Variants in IRF8 observed in about 807,000 individuals in gnomAD.
The protein encoded by IRF8 is interferon consensus sequence binding protein 1.
In IRF8, 14 loss-of-function variants were observed where a neutral mutation model predicts 48.7. The ratio of observed to expected loss-of-function variants is 0.29; its 90% CI spans 0.19 to 0.45. IRF8 has a LOEUF of 0.45. Ranked by LOEUF, IRF8 falls within the 20% of genes least tolerant of loss-of-function variation. IRF8 has a pLI of 1.00. For missense variants in IRF8, 493 were observed against 580.7 expected, an observed-to-expected ratio of 0.85 and a Z score of 1.55; for synonymous variants, 278 against 227.3, an observed-to-expected ratio of 1.22 and a Z score of -2.01.
At chr16:85,899,948 A>T (rs1904776130) in intron 1 of IRF8, among the ~76,000 whole-genome samples, 1 of 152,242 alleles carries the variant, frequency 6.6e-6, no homozygotes, top group African/African-American at 2.4e-5. Flanking sequence ...ATTTTCCAGA[A>T]TTTTAAGAAG....
chr16:85,921,123 C>T lies in IRF8; in HGVS notation c.1122C>T (p.Val374=), dbSNP rs544583597. 1.5e-4 allele frequency: 244 copies of T among 1,613,730 alleles called. 1 individual carries two copies. In the South Asian group the frequency reaches 2.6e-3, roughly 17 times the overall value. ...LILVQIEQLY[V]RQLAEEAGKS... ...CCATCTAGATTGAGCAGCTGTATGT[C>T]CGGCAACTGGCAGAAGAGGCTGGGA... The change falls in exon 9 of 9, where the codon GTC becomes GTT. Residue 374 remains valine, a synonymous_variant. Transcript: ENST00000268638.
chr16:85,902,887 T>A, intron 1 of IRF8, 128 bp from the exon 2 acceptor site: 1 of 970,866 alleles, frequency 1.0e-6, no homozygotes, highest in Admixed American at 1.7e-5. Flanking sequence ...AGTCCCTGAA[T>A]CTGTGGGTTT....
At chr16:85,909,260 A>G (rs1034629156) in intron 3 of IRF8, 87 bp downstream of exon 3, 17 of 1,039,684 alleles carry the variant, frequency 1.6e-5, no homozygotes, top group African/African-American at 3.1e-5. Flanking sequence ...GGGTAGACAC[A>G]GGGTCTGGGG....
At position 85,921,351 on chromosome 16, in the gene IRF8, A is replaced by G. The variant is rs943029450; in HGVS notation, c.*69A>G. ...TCTCCCTGTTACAGTGGCCCGCATC[A>G]TGATTAAAGAATGTGGATCCCTCTG... On this transcript the variant is annotated 3_prime_UTR_variant, in exon 9 of 9. Coordinates refer to ENST00000268638, the MANE Select transcript of IRF8 (RefSeq NM_002163.4). The G allele has an allele frequency of 2.0e-6, 3 of 1,504,270 alleles. No homozygotes were observed. Among genetic ancestry groups the G allele is most frequent in the African/African-American group, 2.7e-5 (2 of 72,754 alleles). 93.2% of individuals were successfully genotyped at this position (1,504,270 alleles called of 1,614,324 possible).
intron 6 of IRF8, among the ~76,000 whole-genome samples, chr16:85,915,062 G>T (rs1029025550): frequency 6.6e-6 from 1 of 152,206 alleles, no homozygotes; most frequent in African/African-American, 2.4e-5. Context: ...CTCATCTCAG[G>T]CTCCCCTGCC....
At chr16:85,902,249 G>A (rs1304690674) in intron 1 of IRF8, among the ~76,000 whole-genome samples, 1 of 152,094 alleles carries the variant, frequency 6.6e-6, no homozygotes, top group Admixed American at 6.5e-5. Flanking sequence ...AAGGAAGTTT[G>A]GATAATAATA....
rs371942842 is a variant in IRF8 at position 85,909,147 on chromosome 16, G to T, written c.332G>T (p.Arg111Leu). 5 of 1,614,082 alleles carry T rather than the reference G, an allele frequency of 3.1e-6. No homozygotes were observed. The highest frequency in any genetic ancestry group is 2.5e-6 in the Non-Finnish European group (3 of 1,180,044). Residue 111 changes from arginine to leucine, a missense_variant, in exon 3 of 9, where the codon CGA becomes CTA. By Grantham distance (102) the Arg-to-Leu change is moderately radical. Transcript: ENST00000268638. ...ATTTCCGAGCCATACAAAGTTTACC[G>T]AATTGTTCCTGAGGAAGAGCAAAAA... ...LDISEPYKVY[R>L]IVPEEEQKCK...
Position 85,918,617 on chromosome 16 carries a change from C to T in IRF8, c.802C>T (p.Arg268Trp), listed in dbSNP as rs754529909. Reference sequence around the variant, plus strand: ...CAGCGAGCGACAGAGGCAGGTGACGCGGAAGCTGTTCGGGCACCTGGAGCG... The same window carrying T: ...CAGCGAGCGACAGAGGCAGGTGACGTGGAAGCTGTTCGGGCACCTGGAGCG... ...IPSERQRQVTRKLFGHLERGV... is the reference protein window; with the variant it reads ...IPSERQRQVTWKLFGHLERGV... Residue 268 changes from arginine (R) to tryptophan (W), a missense_variant, in exon 7 of 9, where the codon CGG becomes TGG. Arg to Trp is a moderately radical substitution (Grantham distance 101). Around this residue, in one of 3 missense-constraint regions of IRF8, gnomAD observed 408 missense variants for 449.6 expected, o/e 0.91. Coordinates refer to ENST00000268638, the MANE Select transcript of IRF8 (RefSeq NM_002163.4). 3.5e-5 allele frequency: 57 copies of T among 1,607,688 alleles called. No individual in the cohort carries two copies. Among genetic ancestry groups the T allele is most frequent in the Non-Finnish European group, 4.1e-5 (48 of 1,179,510 alleles).
chr16:85,901,417 G>A (rs1187283970), intron 1 of IRF8, among the ~76,000 whole-genome samples: 2 of 152,134 alleles, frequency 1.3e-5, no homozygotes, highest in Non-Finnish European at 1.5e-5. Flanking sequence ...ACTTGAGGCC[G>A]AGAGTTCAAG....
At chr16:85,911,856 G>C (rs1238766622) in intron 4 of IRF8, among the ~76,000 whole-genome samples, 198 bp downstream of exon 4, 3 of 152,230 alleles carry the variant, frequency 2.0e-5, no homozygotes, top group African/African-American at 7.2e-5. Flanking sequence ...TCTGCCGACA[G>C]GTCAACCCCT....
chr16:85,908,138 TCTC>T (rs1182299828), intron 2 of IRF8, among the ~76,000 whole-genome samples: 2 of 152,362 alleles, frequency 1.3e-5, no homozygotes, highest in African/African-American at 4.8e-5. Context: ...TCCCTACAGA[TCTC>T]CTATCATTTT....
In IRF8 at chr16:85,918,647, G is replaced by A. The variant is rs1157572044; in HGVS notation, c.832G>A (p.Val278Met). 1 of 1,609,600 alleles carries A rather than the reference G, an allele frequency of 6.2e-7. No individual in the cohort carries two copies. The highest frequency in any genetic ancestry group is 8.5e-7 in the Non-Finnish European group (1 of 1,179,642). Reference sequence around the variant, plus strand: ...GCTGTTCGGGCACCTGGAGCGCGGGGTGCTGCTGCACAGCAGCCGGCAGGG... The same window carrying A: ...GCTGTTCGGGCACCTGGAGCGCGGGATGCTGCTGCACAGCAGCCGGCAGGG... ...RKLFGHLERG[V>M]LLHSSRQGVF... The change falls in exon 7 of 9, where the codon GTG (valine) becomes ATG (methionine). Residue 278 changes from valine to methionine, a missense_variant. Physicochemically the swap from Val to Met is conservative, Grantham distance 21 (BLOSUM62 1). This residue lies in a region of IRF8 where 408 missense variants were observed against 449.6 expected (regional missense o/e 0.91). Transcript: ENST00000268638.
intron 2 of IRF8, among the ~76,000 whole-genome samples, chr16:85,907,388 C>T (rs1905035336): frequency 6.6e-6 from 1 of 152,240 alleles, no homozygotes; most frequent in Non-Finnish European, 1.5e-5. Flanking sequence ...TGGCTAAAGA[C>T]AGCTACCTGG....
At chr16:85,916,811 C>T (rs563406025) in intron 6 of IRF8, among the ~76,000 whole-genome samples, 1 of 152,166 alleles carries the variant, frequency 6.6e-6, no homozygotes, top group South Asian at 2.1e-4. Flanking sequence ...GCAGACTTGG[C>T]GTGGGGGGAA....
Position 85,919,593 on chromosome 16 carries a change from C to T in IRF8, c.989-516C>T, listed in dbSNP as rs1385816948. 5.9e-5 allele frequency among the ~76,000 whole-genome samples: 9 copies of T among 152,326 alleles called. No homozygotes were observed. In the East Asian group the frequency reaches 1.7e-3, roughly 29 times the overall value. ...CAGGCAGAGCGGCACAGAAGTGCGT[C>T]CTGCAATGTACATTCCCGGGCCTAC... On this transcript the variant is annotated intron_variant, in intron 7 of 8. Transcript: ENST00000268638.
intron 6 of IRF8, 144 bp downstream of exon 6, chr16:85,914,664 G>C: frequency 1.1e-6 from 1 of 929,624 alleles, no homozygotes; most frequent in Non-Finnish European, 1.7e-6. Context: ...GCAGGACCTG[G>C]TGTGGAAGTC....
At chr16:85,909,261 G>T in intron 3 of IRF8, 88 bp downstream of exon 3, 2 of 1,015,238 alleles carry the variant, frequency 2.0e-6, no homozygotes, top group African/African-American at 1.6e-5. Flanking sequence ...GGTAGACACA[G>T]GGTCTGGGGC....
At chr16:85,905,416 C>T (rs977398372) in intron 2 of IRF8, among the ~76,000 whole-genome samples, 1 of 152,338 alleles carries the variant, frequency 6.6e-6, no homozygotes, top group African/African-American at 2.4e-5. Context: ...TTCTTCATGG[C>T]CGTTTCAACA....
At chr16:85,905,960 T>G (rs1247079381) in intron 2 of IRF8, among the ~76,000 whole-genome samples, 1 of 152,210 alleles carries the variant, frequency 6.6e-6, no homozygotes, top group Non-Finnish European at 1.5e-5. Context: ...GAAAAAACAT[T>G]GAGCTCATTT....
Sources: gnomAD v4.1 joint callset for allele counts (sites outside exome capture counted in the v4.1 genomes callset) on GRCh38, gnomAD v4.1.1 for gene constraint, gnomAD v4.1.1 regional missense constraint, MANE v1.5 for transcripts, NCBI Gene and HGNC (gene_info 2026-07-23, HGNC 2026-07-21) for gene names.